ZC4H2: variants seen among roughly 807,000 people sequenced by gnomAD.
ZC4H2 encodes the protein zinc finger C4H2-type containing.
For synonymous variants in ZC4H2, 84 were observed against 66.3 expected, an observed-to-expected ratio of 1.27 and a Z score of -1.30; for missense variants, 137 against 173.9, an observed-to-expected ratio of 0.79 and a Z score of 1.19.
At chrX:64,982,337 G>C (rs1448563737) in intron 1 of ZC4H2, among the ~76,000 whole-genome samples, 1 of 111,973 alleles carries the variant, frequency 8.9e-6, no homozygotes, top group African/African-American at 3.3e-5. Context: ...TCCCAGGCTG[G>C]GGTACTTTAG....
chrX:64,918,338 TG>T (rs1929026458), intron 4 of ZC4H2: 1 of 116,447 alleles, frequency 8.6e-6, no homozygotes, highest in Admixed American at 8.8e-5. Flanking sequence ...ATAGCTTGCA[TG>T]CATGTTGTTT....
At chrX:65,032,533 T>C (rs1020137961) in intron 1 of ZC4H2, among the ~76,000 whole-genome samples, 6 of 111,892 alleles carry the variant, frequency 5.4e-5, no homozygotes, top group African/African-American at 2.0e-4. Flanking sequence ...ATATATTCCC[T>C]ATGTTATGGT....
At chrX:65,021,465 G>C (rs1932835957) in intron 1 of ZC4H2, among the ~76,000 whole-genome samples, 1 of 111,150 alleles carries the variant, frequency 9.0e-6, no homozygotes, top group African/African-American at 3.3e-5. Context: ...GATGTTCTTT[G>C]AAAACAATGA....
intron 1 of ZC4H2, chrX:64,965,576 C>A (rs906099205): frequency 7.4e-6 from 2 of 271,872 alleles, no homozygotes; most frequent in African/African-American, 2.9e-5. Flanking sequence ...GCAAACATTT[C>A]TCCTAAATGG....
At chrX:64,944,201 C>T (rs1280463270) in intron 1 of ZC4H2, among the ~76,000 whole-genome samples, 2 of 96,641 alleles carry the variant, frequency 2.1e-5, no homozygotes, top group Non-Finnish European at 4.0e-5. Context: ...AGTGCAGTGG[C>T]GTGATCTCAG....
intron 1 of ZC4H2, among the ~76,000 whole-genome samples, chrX:65,003,483 T>A (rs909615859): frequency 9.0e-6 from 1 of 111,471 alleles, no homozygotes. Context: ...AAAAAATCAA[T>A]GAATGAAGAA....
chrX:64,942,447 A>T (rs1930332979), intron 1 of ZC4H2, among the ~76,000 whole-genome samples: 1 of 109,802 alleles, frequency 9.1e-6, no homozygotes, highest in African/African-American at 3.3e-5. Flanking sequence ...TGTCATCTAC[A>T]TTACATATTT....
At chrX:64,976,190 C>T in intron 1 of ZC4H2, 135 bp downstream of exon 1, 1 of 700,224 alleles carries the variant, frequency 1.4e-6, no homozygotes, top group Non-Finnish European at 2.2e-6. Flanking sequence ...CTCCCATCCT[C>T]ACCTCTCCGG....
At position 64,987,044 on chromosome X, in the gene ZC4H2, C is replaced by T. The variant is rs377112248; in HGVS notation, c.-272+47585G>A. On this transcript the variant is annotated intron_variant, in intron 1 of 4. Transcript: ENST00000337990. ...CCGGGTTCACGCCATTCTCTTGCCT[C>T]AGCCTCCCGAGTAGCTGGGACTACA... Among the ~76,000 whole-genome samples, 17 of 107,312 alleles carry T rather than the reference C, an allele frequency of 1.6e-4. No homozygotes were observed. The East Asian group carries it at 5.0e-3, about 31-fold the overall frequency. 93.2% of individuals were successfully genotyped at this position (107,312 alleles called of 115,157 possible).
At chrX:65,027,108 A>T (rs1286477788) in intron 1 of ZC4H2, among the ~76,000 whole-genome samples, 2 of 112,169 alleles carry the variant, frequency 1.8e-5, no homozygotes, top group Non-Finnish European at 3.8e-5. Flanking sequence ...ATTAGGATGG[A>T]AGTGATGGAA....
rs183735228 is a variant in ZC4H2, at chrX:64,948,628, T to G, written c.54-26640A>C. Among the ~76,000 whole-genome samples, 3 of 112,334 alleles carry G rather than the reference T, an allele frequency of 2.7e-5. No homozygotes were observed. In the East Asian group the frequency reaches 8.4e-4, roughly 31 times the overall value. On this transcript the variant is annotated intron_variant, in intron 1 of 4. Coordinates refer to ENST00000374839, the MANE Select transcript of ZC4H2 (RefSeq NM_018684.4). Reference sequence around the variant, plus strand: ...GTCACACCTTATCTGTACTTCTGTCTGATTTCCTTGGATACAAACCTACTA... The same window carrying G: ...GTCACACCTTATCTGTACTTCTGTCGGATTTCCTTGGATACAAACCTACTA...
At chrX:64,921,445 G>A (rs551166629) in intron 2 of ZC4H2, among the ~76,000 whole-genome samples, 1 of 112,055 alleles carries the variant, frequency 8.9e-6, no homozygotes, top group East Asian at 2.8e-4. Flanking sequence ...CTGACTGAAA[G>A]CTTGGAGTGC....
Position 64,917,733 on chromosome X carries a change from G to T in ZC4H2, c.*50C>A. ...TCACATCAGGACATCAATGACTCTG[G>T]TCAAGGTGAGGGGTTATAATTAGCA... is the stretch of plus-strand genomic sequence containing the variant. On this transcript the variant is annotated 3_prime_UTR_variant, in exon 5 of 5. Transcript: ENST00000374839. The T allele has an allele frequency of 8.4e-7, 1 of 1,185,144 alleles. No individual in the cohort carries two copies. Among genetic ancestry groups the T allele is most frequent in the Non-Finnish European group, 1.1e-6 (1 of 881,773 alleles).
chrX:64,961,418 C>T lies in ZC4H2; in HGVS notation c.53+14907G>A, dbSNP rs372613642. On this transcript the variant is annotated intron_variant, in intron 1 of 4. Transcript: ENST00000374839. ...AGACATAATAGTTTTCATCTATAGA[C>T]TTTTTATTTGAATCTTTTTTATTTC... 9.9e-5 allele frequency among the ~76,000 whole-genome samples: 11 copies of T among 111,229 alleles called. No homozygotes were observed. In the South Asian group the frequency reaches 4.0e-3, roughly 41 times the overall value.
chrX:64,986,568 A>T (rs1448652377), intron 1 of ZC4H2, among the ~76,000 whole-genome samples: 1 of 111,887 alleles, frequency 8.9e-6, no homozygotes, highest in Non-Finnish European at 1.9e-5. Flanking sequence ...AAGAGGTAGG[A>T]GATGCAGAAC....
intron 1 of ZC4H2, among the ~76,000 whole-genome samples, chrX:64,935,822 A>G (rs781206971): frequency 4.6e-4 from 51 of 111,297 alleles, no homozygotes; most frequent in Non-Finnish European, 8.1e-4. Context: ...TAAAAACCAA[A>G]GGTAAATAAA....
intron 1 of ZC4H2, among the ~76,000 whole-genome samples, chrX:64,955,877 T>C (rs1931136383): frequency 8.9e-6 from 1 of 111,881 alleles, no homozygotes; most frequent in African/African-American, 3.2e-5. Flanking sequence ...GTACACACGT[T>C]GCCTCATAAT....
chrX:64,956,893 A>T (rs1020959394), intron 1 of ZC4H2, among the ~76,000 whole-genome samples: 2 of 112,292 alleles, frequency 1.8e-5, no homozygotes, highest in Non-Finnish European at 3.8e-5. Context: ...GTGGGTTTCA[A>T]GACCAAATAA....
chrX:64,949,605 C>A (rs190266851), intron 1 of ZC4H2, among the ~76,000 whole-genome samples: 8 of 111,544 alleles, frequency 7.2e-5, no homozygotes, highest in Non-Finnish European at 1.9e-5. Flanking sequence ...AATTAACTTT[C>A]CTCAGGTTAT....
Sources: gnomAD v4.1 joint callset for allele counts (sites outside exome capture counted in the v4.1 genomes callset) on GRCh38, gnomAD v4.1.1 for gene constraint, MANE v1.5 for transcripts, NCBI Gene and HGNC (gene_info 2026-07-23, HGNC 2026-07-21) for gene names.